The following MTMR3 variants were observed in gnomAD, a reference collection of about 807,000 sequenced individuals.
The protein encoded by MTMR3 is phosphatidylinositol-3,5-bisphosphate 3-phosphatase MTMR3.
A neutral mutation model predicts 132.4 loss-of-function variants in MTMR3; 32 were observed. That is an observed-to-expected ratio of 0.24 (90% CI 0.18 to 0.32). The LOEUF (loss-of-function observed/expected upper bound fraction) is 0.32, where lower values mean the gene tolerates loss of function less well. MTMR3 is among the 10% of genes least tolerant of loss of function. The pLI is 1.00. For synonymous variants in MTMR3, 556 were observed against 550.3 expected, an observed-to-expected ratio of 1.01 and a Z score of -0.14; for missense variants, 1,216 against 1,489.6, an observed-to-expected ratio of 0.82 and a Z score of 3.02.
intron 8 of MTMR3, chr22:29,999,428 T>C (rs1483571239): frequency 6.6e-6 from 1 of 152,236 alleles, no homozygotes; most frequent in Non-Finnish European, 1.5e-5. Flanking sequence ...CACAAAATTA[T>C]TTGTCTCATA....
At chr22:30,008,986 A>T in intron 11 of MTMR3, 32 bp from the exon 12 acceptor site, 1 of 1,483,190 alleles carries the variant, frequency 6.7e-7, no homozygotes, top group Middle Eastern at 1.7e-4. Context: ...AGTTCAACGT[A>T]TTTGTGTTCT....
rs779447387 is a variant in MTMR3, at chr22:29,974,370, A to G, written c.3+3308A>G. Among the ~76,000 whole-genome samples, 13 of 152,214 alleles carry G rather than the reference A, an allele frequency of 8.5e-5. No homozygotes were observed. The East Asian group carries it at 1.2e-3, about 14-fold the overall frequency. ...TGGGATCACCAGTCCCCTAGATTCA[A>G]TGAATCCTAATGTTACGTCCTTGGG... On this transcript the variant is annotated intron_variant, in intron 3 of 19. Transcript: ENST00000401950.
At chr22:30,005,337 A>G (rs2145932326) in intron 9 of MTMR3, 1 of 152,334 alleles carries the variant, frequency 6.6e-6, no homozygotes, top group African/African-American at 2.4e-5. Flanking sequence ...ATAATTGTTT[A>G]TTGCAATAGT....
intron 11 of MTMR3, chr22:30,008,765 G>A (rs145741089): frequency 4.7e-4 from 179 of 380,350 alleles, no homozygotes; most frequent in Admixed American, 1.0e-3. Context: ...AAAAATAATA[G>A]CTTTTATTTT....
rs189429272 is a variant in MTMR3, at chr22:29,942,921, C to T, written c.-137-14115C>T. 4.5e-3 allele frequency among the ~76,000 whole-genome samples: 683 copies of T among 152,234 alleles called. 6 individuals are homozygous for T. The highest frequency in any genetic ancestry group is 0.016 in the African/African-American group (645 of 41,528). The stretch of plus-strand genomic sequence containing the variant: ...CTGAGGTGACATACATCCTCCTCAG[C>T]TTACGAAGATGACAGGATTAAAAGA... On this transcript the variant is annotated intron_variant, in intron 1 of 19. Transcript: ENST00000401950.
At chr22:29,930,714 T>G (rs1014414623) in intron 1 of MTMR3, among the ~76,000 whole-genome samples, 2 of 147,602 alleles carry the variant, frequency 1.4e-5, no homozygotes, top group Non-Finnish European at 3.0e-5. Flanking sequence ...AGAATATGAA[T>G]TTTTGACTGG....
chr22:29,944,733 A>T (rs1054934064), intron 1 of MTMR3, among the ~76,000 whole-genome samples: 2 of 152,226 alleles, frequency 1.3e-5, no homozygotes, highest in African/African-American at 4.8e-5. Flanking sequence ...TTTTATTGTG[A>T]TAAAACTTTA....
intron 2 of MTMR3, among the ~76,000 whole-genome samples, chr22:29,967,811 G>T (rs948773096): frequency 6.6e-6 from 1 of 151,548 alleles, no homozygotes; most frequent in South Asian, 2.1e-4. Context: ...ACAATATATG[G>T]CCTTTTGTGC....
At chr22:29,945,454 A>G (rs924053695) in intron 1 of MTMR3, among the ~76,000 whole-genome samples, 2 of 152,120 alleles carry the variant, frequency 1.3e-5, no homozygotes, top group Non-Finnish European at 2.9e-5. Flanking sequence ...TGTAATCTCA[A>G]CACTTTGAGA....
intron 1 of MTMR3, among the ~76,000 whole-genome samples, chr22:29,956,037 C>T (rs1442259584): frequency 6.6e-6 from 1 of 152,146 alleles, no homozygotes; most frequent in African/African-American, 2.4e-5. Flanking sequence ...CAGGCATGAG[C>T]CACCGCGCCT....
Position 30,020,436 on chromosome 22 carries a change from T to G in MTMR3, c.2777T>G (p.Leu926Arg), listed in dbSNP as rs1569054837. 1 of 1,614,166 alleles carries G rather than the reference T, an allele frequency of 6.2e-7. No homozygotes were observed. The highest frequency in any genetic ancestry group is 2.2e-5 in the East Asian group (1 of 44,866). The change falls in exon 17 of 20, where the codon CTT (leucine) becomes CGT (arginine). Residue 926 changes from leucine to arginine, a missense_variant. Around this residue, in one of 7 missense-constraint regions of MTMR3, gnomAD observed 852 missense variants for 852.0 expected, o/e 1.00. Transcript: ENST00000401950. ...ALPLAECKEG[L>R]VCNGAPETEN... The stretch of plus-strand genomic sequence containing the variant: ...CCTTTAGCCGAATGTAAAGAGGGGC[T>G]TGTGTGCAATGGTGCCCCAGAGACT...
chr22:29,965,511 C>CTT (rs2066397320), intron 2 of MTMR3, among the ~76,000 whole-genome samples: 2 of 152,066 alleles, frequency 1.3e-5, no homozygotes, highest in African/African-American at 2.4e-5. Flanking sequence ...ATGGTGAAAC[C>CTT]CTGTCTCTAC....
At chr22:29,960,101 A>G (rs1480227732) in intron 2 of MTMR3, among the ~76,000 whole-genome samples, 1 of 152,030 alleles carries the variant, frequency 6.6e-6, no homozygotes, top group Non-Finnish European at 1.5e-5. Flanking sequence ...TCTAGGTTTG[A>G]AGAGAAAGAT....
chr22:29,960,069 G>T (rs886267433), intron 2 of MTMR3, among the ~76,000 whole-genome samples: 1 of 151,998 alleles, frequency 6.6e-6, no homozygotes, highest in African/African-American at 2.4e-5. Flanking sequence ...CCCTGGCCAC[G>T]TTCTTATCTG....
intron 7 of MTMR3, 45 bp from the exon 8 acceptor site, chr22:29,998,716 A>G (rs1201162075): frequency 5.5e-6 from 8 of 1,445,548 alleles, no homozygotes; most frequent in Non-Finnish European, 7.6e-6. Flanking sequence ...GTTTTGCAAA[A>G]TGGTATTCAT....
chr22:29,978,164 C>CA (rs2066666608), intron 3 of MTMR3: 2 of 240,618 alleles, frequency 8.3e-6, no homozygotes, highest in East Asian at 8.7e-5. Flanking sequence ...GATTCTGTCT[C>CA]AAAAAAAGAA....
At chr22:29,954,650 T>G (rs1293783969) in intron 1 of MTMR3, among the ~76,000 whole-genome samples, 1 of 152,232 alleles carries the variant, frequency 6.6e-6, no homozygotes, top group Non-Finnish European at 1.5e-5. Context: ...TACCTCATCT[T>G]TTTGACAGAA....
In MTMR3 at chr22:30,027,596, G is replaced by C. The variant is rs969724115; in HGVS notation, c.*1795G>C. The C allele has an allele frequency of 1.3e-5, 2 of 152,764 alleles. No homozygotes were observed. Among genetic ancestry groups the C allele is most frequent in the Non-Finnish European group, 2.9e-5 (2 of 68,038 alleles). The allele number at this position is 152,764 out of a possible 1,614,324, so 9.5% of individuals were successfully genotyped here. A position where few individuals can be genotyped will look rare whatever the true frequency, so the allele number is the denominator to read the frequency against. On this transcript the variant is annotated 3_prime_UTR_variant, in exon 20 of 20. Transcript: ENST00000401950. ...ACAGGTGCCAAGAGGTTATGATACG[G>C]GTTTCTTGGGTCTGATGTACAGTGT...
intron 2 of MTMR3, 25 bp from the exon 3 acceptor site, chr22:29,970,951 T>TTCCCCTTTTCCCCCCCC: frequency 4.4e-6 from 3 of 680,382 alleles, no homozygotes; most frequent in Admixed American, 3.2e-5. Context: ...TTTTTCTTCT[T>TTCCCCTTTTCCCCCCCC]CCCCCTCTTC....
Sources: allele counts gnomAD v4.1 joint callset (sites outside exome capture counted in the v4.1 genomes callset), GRCh38; gene constraint gnomAD v4.1.1; regional missense constraint gnomAD v4.1.1; transcripts MANE v1.5; gene names NCBI Gene and HGNC (gene_info 2026-07-23, HGNC 2026-07-21).